UCP3: variants seen among roughly 807,000 people sequenced by gnomAD.
The protein encoded by UCP3 is putative mitochondrial transporter UCP3.
Under a neutral mutation model 28.1 loss-of-function variants are expected in UCP3, and 24 were observed. The ratio of observed to expected loss-of-function variants is 0.85; its 90% CI spans 0.62 to 1.20. The LOEUF is 1.20. UCP3 is among the 50% of genes most tolerant of loss of function. The probability of loss-of-function intolerance (pLI) is 0.00; values close to 1 mark genes in which losing one functional copy is unlikely to be tolerated. For synonymous variants in UCP3, 184 were observed against 171.2 expected (o/e 1.07, Z -0.59); for missense variants, 397 against 422.2 (o/e 0.94, Z 0.52).
rs1239707809 is a variant in UCP3 at position 74,000,440 on chromosome 11, G to GT, written c.*971_*972insA. Reference sequence around the variant, plus strand: ...GGTACTCATGATTGAGCACGTGGTGGGGGGGGTGGGGAAGAGGCTGCATGG... The same window carrying GT: ...GGTACTCATGATTGAGCACGTGGTGGTGGGGGGTGGGGAAGAGGCTGCATGG... On this transcript the variant is annotated 3_prime_UTR_variant, in exon 7 of 7. Transcript: ENST00000314032. 1 of 152,232 alleles carries GT rather than the reference G, an allele frequency of 6.6e-6. No individual in the cohort carries two copies. The highest frequency in any genetic ancestry group is 2.4e-5 in the African/African-American group (1 of 41,330). 9.4% of individuals were successfully genotyped at this position (152,232 alleles called of 1,614,324 possible).
chr11:74,004,388 TA>T, intron 5 of UCP3, 95 bp downstream of exon 5: 3 of 1,165,094 alleles, frequency 2.6e-6, no homozygotes, highest in Non-Finnish European at 3.7e-6. Context: ...CTGCTCCTTC[TA>T]AAACCCAGTT....
At position 74,005,787 on chromosome 11, in the gene UCP3, T is replaced by C. The variant is rs1156619081; in HGVS notation, c.484A>G (p.Thr162Ala). The C allele has an allele frequency of 3.7e-6, 6 of 1,614,154 alleles. No homozygotes were observed. Among genetic ancestry groups the C allele is most frequent in the Admixed American group, 3.3e-5 (2 of 60,028 alleles). Residue 162 changes from threonine to alanine, a missense_variant, in exon 4 of 7, where the codon ACT becomes GCT. Thr to Ala is a moderately conservative substitution (Grantham distance 58). Transcript: ENST00000314032. Reference sequence around the variant, plus strand: ...GCGATGGTTCTGTAGGCGTCCATAGTCCCGCTGTATTTTCTGTCGCTCCTG... The same window carrying C: ...GCGATGGTTCTGTAGGCGTCCATAGCCCCGCTGTATTTTCTGTCGCTCCTG... ...PSRSDRKYSG[T>A]MDAYRTIARE... is the part of the protein sequence containing the mutation.
rs538844271 is a variant in UCP3 at position 74,001,165 on chromosome 11, T to C, written c.*247A>G. On this transcript the variant is annotated 3_prime_UTR_variant, in exon 7 of 7. Coordinates refer to ENST00000314032, the MANE Select transcript of UCP3 (RefSeq NM_003356.4). Reference sequence around the variant, plus strand: ...TTGCCTAAATATTAGGCATGCCTAATGGGTTTCAAAAATTAATATAATTTA... The same window carrying C: ...TTGCCTAAATATTAGGCATGCCTAACGGGTTTCAAAAATTAATATAATTTA... 6 of 531,724 alleles carry C rather than the reference T, an allele frequency of 1.1e-5. No individual in the cohort carries two copies. The East Asian group carries it at 1.9e-4, about 17-fold the overall frequency. The allele number at this position is 531,724 out of a possible 1,614,324, so 32.9% of individuals were successfully genotyped here.
At chr11:74,006,496 G>A (rs1338038956) in intron 2 of UCP3, 117 bp from the exon 3 acceptor site, 2 of 1,041,278 alleles carry the variant, frequency 1.9e-6, no homozygotes, top group South Asian at 3.4e-5. Context: ...AACCATGCTG[G>A]TCACAGTAGA....
At chr11:74,001,661 C>T in intron 6 of UCP3, 135 bp from the exon 7 acceptor site, 5 of 745,868 alleles carry the variant, frequency 6.7e-6, no homozygotes, top group Middle Eastern at 2.9e-4. Context: ...TGAATCCTTT[C>T]AGTCTCTCTC....
intron 6 of UCP3, 117 bp from the exon 7 acceptor site, chr11:74,001,643 G>T: frequency 1.2e-6 from 1 of 865,676 alleles, no homozygotes. Context: ...TTCATCACAA[G>T]CATTTTCTGA....
rs769183491 is a variant in UCP3, at chr11:74,004,483, C to T, written c.643+1G>A. 1.6e-5 allele frequency: 26 copies of T among 1,614,010 alleles called. No individual in the cohort carries two copies. The highest frequency in any genetic ancestry group is 1.7e-5 in the Admixed American group (1 of 60,000). ...TGCCTGCCTGGAGCCCAGGGCCTCA[C>T]CAGTGAGCAGGTGGTAGTCCAGCAG... On this transcript the variant is annotated splice_donor_variant, in intron 5 of 6. Transcript: ENST00000314032. LOFTEE classifies it high-confidence loss of function.
intron 2 of UCP3, 49 bp downstream of exon 2, chr11:74,006,868 T>TA: frequency 3.7e-6 from 6 of 1,613,736 alleles, no homozygotes; most frequent in Non-Finnish European, 5.1e-6. Flanking sequence ...GGGAGAGAAC[T>TA]AGCCCCTCCT....
At chr11:74,008,295 T>A (rs1353586601) in intron 1 of UCP3, among the ~76,000 whole-genome samples, 1 of 152,162 alleles carries the variant, frequency 6.6e-6, no homozygotes, top group Non-Finnish European at 1.5e-5. Context: ...ACAGAGCAGA[T>A]TCTCAGCTCT....
intron 2 of UCP3, 78 bp from the exon 3 acceptor site, chr11:74,006,457 C>T: frequency 7.3e-7 from 1 of 1,371,954 alleles, no homozygotes; most frequent in African/African-American, 1.5e-5. Flanking sequence ...CCTGCTGGGG[C>T]TGGGCCTGCC....
chr11:74,006,558 C>T (rs1322857367), intron 2 of UCP3, among the ~76,000 whole-genome samples, 179 bp from the exon 3 acceptor site: 2 of 152,224 alleles, frequency 1.3e-5, no homozygotes, highest in South Asian at 2.1e-4. Flanking sequence ...GTATTATACA[C>T]ATGGCTTGGT....
rs1591232531 is a variant in UCP3, at chr11:74,000,452, A to G, written c.*960T>C. The G allele has an allele frequency of 2.0e-5, 3 of 148,908 alleles. No homozygotes were observed. Among genetic ancestry groups the G allele is most frequent in the African/African-American group, 7.4e-5 (3 of 40,610 alleles). The allele number at this position is 148,908 out of a possible 1,614,324, so 9.2% of individuals were successfully genotyped here. On this transcript the variant is annotated 3_prime_UTR_variant, in exon 7 of 7. Transcript: ENST00000314032. ...TGAGCACGTGGTGGGGGGGGTGGGG[A>G]AGAGGCTGCATGGGGGTGGGGCTCC...
intron 6 of UCP3, chr11:74,003,426 C>T: frequency 2.0e-6 from 2 of 988,626 alleles, no homozygotes; most frequent in Non-Finnish European, 2.4e-6. Context: ...AAATTGACAG[C>T]CTGTAGATGA....
intron 5 of UCP3, 51 bp from the exon 6 acceptor site, chr11:74,004,058 A>G: frequency 6.2e-7 from 1 of 1,602,708 alleles, no homozygotes; most frequent in South Asian, 1.1e-5. Flanking sequence ...TGTTCTGTCC[A>G]TATGTATGCA....
chr11:74,001,238 G>T lies in UCP3; in HGVS notation c.*174C>A. 1.6e-6 allele frequency: 1 copy of T among 635,726 alleles called. No individual in the cohort carries two copies. The highest frequency in any genetic ancestry group is 2.8e-6 in the Non-Finnish European group (1 of 360,812). The allele number at this position is 635,726 out of a possible 1,614,324, so 39.4% of individuals were successfully genotyped here. ...ACAAAGGTGTTCTTGAGGCATGGCA[G>T]TGAAGACCAGAATCCCTCCTCCTCT... On this transcript the variant is annotated 3_prime_UTR_variant, in exon 7 of 7. Coordinates refer to ENST00000314032, the MANE Select transcript of UCP3 (RefSeq NM_003356.4).
chr11:74,002,662 T>C (rs1413334579), intron 6 of UCP3: 1 of 812,418 alleles, frequency 1.2e-6, no homozygotes, highest in Non-Finnish European at 1.5e-6. Flanking sequence ...GCCTGGCACC[T>C]ACAAGATGCT....
At chr11:74,001,673 C>G in intron 6 of UCP3, 147 bp from the exon 7 acceptor site, 1 of 707,336 alleles carries the variant, frequency 1.4e-6, no homozygotes, top group Non-Finnish European at 2.4e-6. Context: ...GTCTCTCTCT[C>G]TCTTTTTTTT....
chr11:74,001,664 T>TCC, intron 6 of UCP3, 138 bp from the exon 7 acceptor site: 1 of 663,032 alleles, frequency 1.5e-6, no homozygotes, highest in South Asian at 1.7e-5. Context: ...ATCCTTTCAG[T>TCC]CTCTCTCTCT....
At position 74,001,224 on chromosome 11, in the gene UCP3, C is replaced by T. The variant is rs1187039858; in HGVS notation, c.*188G>A. 1.6e-6 allele frequency: 1 copy of T among 609,556 alleles called. No individual in the cohort carries two copies. The highest frequency in any genetic ancestry group is 2.9e-6 in the Non-Finnish European group (1 of 343,870). The allele number at this position is 609,556 out of a possible 1,614,324, so 37.8% of individuals were successfully genotyped here. On this transcript the variant is annotated 3_prime_UTR_variant, in exon 7 of 7. Transcript: ENST00000314032. ...CTTGTCAGTGCAAAACAAAGGTGTTCTTGAGGCATGGCAGTGAAGACCAGA... is the reference window on the plus strand; with the variant it reads ...CTTGTCAGTGCAAAACAAAGGTGTTTTTGAGGCATGGCAGTGAAGACCAGA...
Sources: allele counts gnomAD v4.1 joint callset (sites outside exome capture counted in the v4.1 genomes callset), GRCh38; gene constraint gnomAD v4.1.1; transcripts MANE v1.5; gene names NCBI Gene and HGNC (gene_info 2026-07-23, HGNC 2026-07-21).